The following SCARB1 variants were observed in gnomAD, a reference collection of about 807,000 sequenced individuals.
The protein encoded by SCARB1 is scavenger receptor class B member 1.
In SCARB1, 30 loss-of-function variants were observed where a neutral mutation model predicts 57.2. That is an observed-to-expected ratio of 0.52 (90% CI 0.39 to 0.71). The LOEUF (loss-of-function observed/expected upper bound fraction) is 0.71. SCARB1 is among the 30% of genes least tolerant of loss of function. The pLI, the probability that SCARB1 is intolerant of heterozygous loss-of-function variation, is 0.00. For synonymous variants in SCARB1, 249 were observed against 268.3 expected, an observed-to-expected ratio of 0.93 and a Z score of 0.70; for missense variants, 543 against 671.2, an observed-to-expected ratio of 0.81 and a Z score of 2.11.
rs1369454020 is a variant in SCARB1, at chr12:124,821,629, G to A, written c.127-3922C>T. The A allele has an allele frequency of 1.0e-5, 8 of 762,090 alleles. No homozygotes were observed. The Admixed American group carries it at 5.0e-4, about 48-fold the overall frequency. 47.2% of individuals were successfully genotyped at this position (762,090 alleles called of 1,614,324 possible). A position where few individuals can be genotyped will look rare whatever the true frequency, so the allele number is the denominator to read the frequency against. ...GGGATGGGTCACTGACCTTCTCCGA[G>A]TCTCAGTTTCCTCAACCATACAATG... On this transcript the variant is annotated intron_variant, in intron 1 of 12. Coordinates refer to ENST00000261693, the MANE Select transcript of SCARB1 (RefSeq NM_005505.5).
chr12:124,836,346 T>C (rs1951647448), intron 1 of SCARB1, among the ~76,000 whole-genome samples: 1 of 152,224 alleles, frequency 6.6e-6, no homozygotes, highest in South Asian at 2.1e-4. Flanking sequence ...GAGCACGATG[T>C]TCTGAACTGC....
intron 2 of SCARB1, 49 bp from the exon 3 acceptor site, chr12:124,815,163 GTT>G: frequency 6.2e-7 from 1 of 1,603,556 alleles, no homozygotes. Flanking sequence ...TGCATGGGAC[GTT>G]TCCCTTCTAC....
intron 5 of SCARB1, 144 bp downstream of exon 5, chr12:124,811,726 A>C: frequency 1.5e-6 from 1 of 666,134 alleles, no homozygotes. Context: ...CCCTCCTCCA[A>C]CTTCAAGAGT....
chr12:124,791,202 G>C (rs1485828714), intron 9 of SCARB1, among the ~76,000 whole-genome samples: 5 of 152,210 alleles, frequency 3.3e-5, no homozygotes, highest in African/African-American at 1.2e-4. Flanking sequence ...CTTTCCTCTG[G>C]ACTTGGCCCC....
intron 1 of SCARB1, chr12:124,839,540 C>T (rs1951828155): frequency 3.4e-6 from 3 of 877,722 alleles, no homozygotes; most frequent in South Asian, 1.0e-4. Context: ...TTCAAGTTCC[C>T]ACTTCCATTT....
intron 9 of SCARB1, among the ~76,000 whole-genome samples, chr12:124,791,878 C>G (rs1477758225): frequency 6.6e-6 from 1 of 151,978 alleles, no homozygotes; most frequent in African/African-American, 2.4e-5. Flanking sequence ...ATCGCTTGAA[C>G]CCGAGGCGGA....
Position 124,811,886 on chromosome 12 carries a change from C to T in SCARB1, c.710G>A (p.Trp237Ter). 1 of 1,612,580 alleles carries T rather than the reference C, an allele frequency of 6.2e-7. No homozygotes were observed. The highest frequency in any genetic ancestry group is 8.5e-7 in the Non-Finnish European group (1 of 1,179,374). The change falls in exon 5 of 13, where the codon TGG becomes TAG. Residue 237 changes from tryptophan (W) to a stop codon, truncating the protein, a stop_gained. Coordinates refer to ENST00000261693, the MANE Select transcript of SCARB1 (RefSeq NM_005505.5). LOFTEE classifies it high-confidence loss of function. ...GCCCCTCACCTTGCTCAGCCCGTTCCACTTGTCCACGAGGTGGATCCTGCT... is the reference window on the plus strand; with the variant it reads ...GCCCCTCACCTTGCTCAGCCCGTTCTACTTGTCCACGAGGTGGATCCTGCT... ...NISRIHLVDKWNGLSKVDFWH... is the reference protein window; with the variant it reads ...NISRIHLVDK
chr12:124,778,425 CGT>C lies in SCARB1; in HGVS notation c.*160_*161del, dbSNP rs1232210117. 13 of 1,288,332 alleles carry C rather than the reference CGT, an allele frequency of 1.0e-5. No individual in the cohort carries two copies. The highest frequency in any genetic ancestry group is 1.3e-5 in the Non-Finnish European group (13 of 1,015,418). 79.8% of individuals were successfully genotyped at this position (1,288,332 alleles called of 1,614,324 possible). A position where few individuals can be genotyped will look rare whatever the true frequency, so the allele number is the denominator to read the frequency against. ...ACGCATGTGTGTATGTGTGCCAGGG[CGT>C]GTGTGCAGGTGTGCAACAGGCACAT... is the stretch of plus-strand genomic sequence containing the variant. On this transcript the variant is annotated 3_prime_UTR_variant, in exon 13 of 13. Coordinates refer to ENST00000261693, the MANE Select transcript of SCARB1 (RefSeq NM_005505.5).
At position 124,817,353 on chromosome 12, in the gene SCARB1, T is replaced by TAAAAA. The variant is rs60063887; in HGVS notation, c.284+192_284+196dup. ...GGGCAACATAGCAAGATCCCATCTC[T>TAAAAA]AAAAAAAAAAAAAAAAAAAAAAAAA... On this transcript the variant is annotated intron_variant, in intron 2 of 12. Coordinates refer to ENST00000261693, the MANE Select transcript of SCARB1 (RefSeq NM_005505.5). The surrounding 1 kb of genome is among the most constrained non-coding windows in gnomAD (Gnocchi z 4.8). 1.5e-5 allele frequency among the ~76,000 whole-genome samples: 1 copy of TAAAAA among 68,772 alleles called. No homozygotes were observed. The highest frequency in any genetic ancestry group is 5.5e-5 in the African/African-American group (1 of 18,080). The allele number at this position is 68,772 out of a possible 152,430, so 45.1% of individuals were successfully genotyped here.
intron 1 of SCARB1, among the ~76,000 whole-genome samples, chr12:124,828,497 C>CA (rs1209013160): frequency 6.6e-6 from 1 of 152,216 alleles, no homozygotes; most frequent in Non-Finnish European, 1.5e-5. Flanking sequence ...CCCCTGCCCT[C>CA]AGACACCAGG....
chr12:124,828,463 C>T (rs1001770139), intron 1 of SCARB1, among the ~76,000 whole-genome samples: 4 of 152,174 alleles, frequency 2.6e-5, no homozygotes, highest in Admixed American at 6.5e-5. Context: ...GGGATGAACA[C>T]GATGGGGCCC....
chr12:124,850,718 G>A (rs1283834381), intron 1 of SCARB1, among the ~76,000 whole-genome samples: 2 of 152,190 alleles, frequency 1.3e-5, no homozygotes, highest in Non-Finnish European at 1.5e-5. Flanking sequence ...ATAATAAACA[G>A]CTGGTAAGCT....
chr12:124,795,225 C>T lies in SCARB1; in HGVS notation c.1172G>A (p.Ser391Asn). ...PMNCSVKLQLSLYMKSVAGIG... is the reference protein window; with the variant it reads ...PMNCSVKLQLNLYMKSVAGIG... ...GCCTGCGACAGATTTCATGTAGAGG[C>T]TCAGCTGCAGTTTCACAGAGCAGTT... The change falls in exon 9 of 13, where the codon AGC becomes AAC. Residue 391 changes from serine (S) to asparagine (N), a missense_variant. Ser to Asn is a conservative substitution (Grantham distance 46, BLOSUM62 1). Transcript: ENST00000261693. 1 of 1,614,024 alleles carries T rather than the reference C, an allele frequency of 6.2e-7. No individual in the cohort carries two copies. The highest frequency in any genetic ancestry group is 2.2e-5 in the East Asian group (1 of 44,860).
chr12:124,807,692 G>T lies in SCARB1; in HGVS notation c.1009+69C>A. On this transcript the variant is annotated intron_variant, in intron 7 of 12. Coordinates refer to ENST00000261693, the MANE Select transcript of SCARB1 (RefSeq NM_005505.5). This position sits in a 1 kb window ranked among gnomAD's most constrained non-coding sequence, Gnocchi z 5.3. ...CCAGAGATTAAGCAGACAGCACTGGGCAGATAAACCCTCAGCTGGCCCCAC... is the reference window on the plus strand; with the variant it reads ...CCAGAGATTAAGCAGACAGCACTGGTCAGATAAACCCTCAGCTGGCCCCAC... 1 of 1,459,882 alleles carries T rather than the reference G, an allele frequency of 6.8e-7. No individual in the cohort carries two copies. Among genetic ancestry groups the T allele is most frequent in the Non-Finnish European group, 9.6e-7 (1 of 1,045,442 alleles). The allele number at this position is 1,459,882 out of a possible 1,614,324, so 90.4% of individuals were successfully genotyped here. A position where few individuals can be genotyped will look rare whatever the true frequency, so the allele number is the denominator to read the frequency against.
chr12:124,860,401 A>G (rs1952844576), intron 1 of SCARB1, among the ~76,000 whole-genome samples: 1 of 152,254 alleles, frequency 6.6e-6, no homozygotes, highest in South Asian at 2.1e-4. Flanking sequence ...TCGGAAGATG[A>G]GCATCCCTTT....
At chr12:124,852,885 A>G (rs116112901) in intron 1 of SCARB1, among the ~76,000 whole-genome samples, 1,828 of 152,282 alleles carry the variant, frequency 0.012, 34 homozygotes, top group African/African-American at 0.041. Flanking sequence ...TACTAAAAAT[A>G]CCAAATTAGC....
At chr12:124,861,652 C>T (rs760188810) in intron 1 of SCARB1, among the ~76,000 whole-genome samples, 4 of 152,304 alleles carry the variant, frequency 2.6e-5, no homozygotes, top group African/African-American at 4.8e-5. Context: ...CCAGCCTGGG[C>T]GGTTCCAGAA....
chr12:124,797,653 C>T (rs961169), intron 8 of SCARB1, among the ~76,000 whole-genome samples: 7,114 of 152,194 alleles, frequency 0.047, 614 homozygotes, highest in East Asian at 0.39. Flanking sequence ...GAAAGGAAAG[C>T]GATCACTGAG....
intron 1 of SCARB1, among the ~76,000 whole-genome samples, chr12:124,837,548 G>T (rs919551482): frequency 8.3e-5 from 1 of 11,992 alleles, no homozygotes; most frequent in Non-Finnish European, 2.3e-4. Flanking sequence ...GAAAAGAAAA[G>T]AAAAGAAAAG....
Sources: allele counts gnomAD v4.1 joint callset (sites outside exome capture counted in the v4.1 genomes callset), GRCh38; gene constraint gnomAD v4.1.1; non-coding constraint Gnocchi (gnomAD v3.1); transcripts MANE v1.5; gene names NCBI Gene and HGNC (gene_info 2026-07-23, HGNC 2026-07-21).